CYB5RL: variants seen among roughly 807,000 people sequenced by gnomAD.
CYB5RL encodes NADH-cytochrome b5 reductase-like.
Under a neutral mutation model 37.5 loss-of-function variants are expected in CYB5RL, and 38 were observed. The observed-to-expected ratio is 1.01, with a 90% CI of 0.78 to 1.33. CYB5RL has a LOEUF of 1.33. Ranked by LOEUF, CYB5RL falls within the 40% of genes most tolerant of loss-of-function variation. The pLI is 0.00. For missense variants in CYB5RL, 388 were observed against 394.4 expected, an observed-to-expected ratio of 0.98 and a Z score of 0.14; for synonymous variants, 141 against 151.9, an observed-to-expected ratio of 0.93 and a Z score of 0.53.
In CYB5RL at chr1:54,187,748, C is replaced by A. The variant is rs769010749; in HGVS notation, c.348-9G>T. 6.2e-7 allele frequency: 1 copy of A among 1,611,500 alleles called. No homozygotes were observed. Among genetic ancestry groups the A allele is most frequent in the African/African-American group, 1.3e-5 (1 of 74,866 alleles). On this transcript the variant is annotated splice_polypyrimidine_tract_variant and intron_variant, in intron 4 of 7. Transcript: ENST00000534324. Reference sequence around the variant, plus strand: ...AGTCATCTACTATCCCTCTGAGAAACAGAAGTGTGCAGTCAGTCAGCCAGT... The same window carrying A: ...AGTCATCTACTATCCCTCTGAGAAAAAGAAGTGTGCAGTCAGTCAGCCAGT...
rs572299539 is a variant in CYB5RL at position 54,172,021 on chromosome 1, C to G, written c.*2598G>C. 6.3e-6 allele frequency: 1 copy of G among 158,028 alleles called. No individual in the cohort carries two copies. Among genetic ancestry groups the G allele is most frequent in the Admixed American group, 5.9e-5 (1 of 16,988 alleles). 9.8% of individuals were successfully genotyped at this position (158,028 alleles called of 1,614,324 possible). A position where few individuals can be genotyped will look rare whatever the true frequency, so the allele number is the denominator to read the frequency against. ...TACACGGAGTGAGGGGAAGAGGAGG[C>G]CAACACATTCTAGGTTGGTTACCAC... On this transcript the variant is annotated 3_prime_UTR_variant, in exon 8 of 8. Transcript: ENST00000534324.
chr1:54,199,264 T>C (rs2100493907), intron 1 of CYB5RL, among the ~76,000 whole-genome samples: 1 of 152,308 alleles, frequency 6.6e-6, no homozygotes, highest in South Asian at 2.1e-4. Flanking sequence ...CAGGCACTGT[T>C]CTCAGTGCTG....
intron 5 of CYB5RL, chr1:54,184,485 AT>A: frequency 1.9e-6 from 1 of 514,704 alleles, no homozygotes; most frequent in Non-Finnish European, 3.5e-6. Flanking sequence ...TGGGATGAGA[AT>A]CCATAGGACC....
Position 54,174,685 on chromosome 1 carries a change from G to A in CYB5RL, c.882C>T (p.Phe294=). ...PFALVCGSAE[F]TKDIARCLLC... ...GTAAGCACCTGGCTATGTCTTTGGT[G>A]AACTCAGCCGAGCCACAGACCAGTG... The change falls in exon 8 of 8, where the codon TTC becomes TTT. Residue 294 remains phenylalanine (F), a synonymous_variant. Coordinates refer to ENST00000534324, the MANE Select transcript of CYB5RL (RefSeq NM_001031672.4). 1.2e-6 allele frequency: 2 copies of A among 1,613,592 alleles called. No homozygotes were observed. Among genetic ancestry groups the A allele is most frequent in the South Asian group, 2.2e-5 (2 of 90,940 alleles).
At chr1:54,191,021 A>G in intron 3 of CYB5RL, 125 bp from the exon 4 acceptor site, 3 of 1,276,844 alleles carry the variant, frequency 2.3e-6, no homozygotes, top group Non-Finnish European at 2.1e-6. Context: ...TGTAAACTGG[A>G]CACTAGCCTC....
At chr1:54,175,595 T>C in intron 7 of CYB5RL, 1 of 410,288 alleles carries the variant, frequency 2.4e-6, no homozygotes, top group Non-Finnish European at 5.0e-6. Flanking sequence ...TAGAAAAGTA[T>C]ACAAATCATT....
At chr1:54,193,045 G>A (rs1271048902) in intron 3 of CYB5RL, among the ~76,000 whole-genome samples, 11 of 152,210 alleles carry the variant, frequency 7.2e-5, no homozygotes, top group Admixed American at 2.0e-4. Flanking sequence ...ATAAGCCACC[G>A]TGCCTGGCCA....
intron 5 of CYB5RL, among the ~76,000 whole-genome samples, chr1:54,186,594 G>A (rs1643900210): frequency 6.6e-6 from 1 of 152,312 alleles, no homozygotes; most frequent in South Asian, 2.1e-4. Flanking sequence ...CTGCCCTGAA[G>A]AACTGTCTCC....
At position 54,171,858 on chromosome 1, in the gene CYB5RL, G is replaced by A. The variant is rs1441551593; in HGVS notation, c.*2761C>T. The A allele has an allele frequency of 9.3e-6, 2 of 214,268 alleles. No homozygotes were observed. Among genetic ancestry groups the A allele is most frequent in the African/African-American group, 4.5e-5 (2 of 44,770 alleles). The allele number at this position is 214,268 out of a possible 1,614,324, so 13.3% of individuals were successfully genotyped here. On this transcript the variant is annotated 3_prime_UTR_variant, in exon 8 of 8. Coordinates refer to ENST00000534324, the MANE Select transcript of CYB5RL (RefSeq NM_001031672.4). ...CTTGGGCTTGCTCAGCACCTTGTGG[G>A]GCACAGCACCCGACCCTGCACTCTC...
In CYB5RL at chr1:54,172,359, G is replaced by C. The variant is rs142709368; in HGVS notation, c.*2260C>G. 5.5e-5 allele frequency: 2 copies of C among 36,470 alleles called. No individual in the cohort carries two copies. The highest frequency in any genetic ancestry group is 1.3e-4 in the Non-Finnish European group (2 of 15,608). The allele number at this position is 36,470 out of a possible 1,614,324, so 2.3% of individuals were successfully genotyped here. A position where few individuals can be genotyped will look rare whatever the true frequency, so the allele number is the denominator to read the frequency against. ...TCTTTTTTTTTTTTTTTTTTTTGTA[G>C]AGACAGGGTTTTGTCATGTTGGCCA... On this transcript the variant is annotated 3_prime_UTR_variant, in exon 8 of 8. Transcript: ENST00000534324.
At chr1:54,183,542 T>C (rs916460235) in intron 6 of CYB5RL, among the ~76,000 whole-genome samples, 5 of 152,202 alleles carry the variant, frequency 3.3e-5, no homozygotes, top group Admixed American at 6.5e-5. Context: ...TATTTAGTCA[T>C]GTGACTGTAC....
At chr1:54,180,820 T>C (rs769913984) in intron 6 of CYB5RL, among the ~76,000 whole-genome samples, 14 of 152,142 alleles carry the variant, frequency 9.2e-5, no homozygotes, top group Admixed American at 7.9e-4. Flanking sequence ...TAACAGCACC[T>C]ATCTCAGAAC....
intron 6 of CYB5RL, among the ~76,000 whole-genome samples, chr1:54,179,776 C>T (rs1039023498): frequency 6.6e-6 from 1 of 152,198 alleles, no homozygotes; most frequent in Admixed American, 6.5e-5. Flanking sequence ...CAAAGCCTTG[C>T]CCACTCCCAA....
intron 7 of CYB5RL, among the ~76,000 whole-genome samples, chr1:54,177,408 T>C (rs1322663136): frequency 6.6e-6 from 1 of 152,094 alleles, no homozygotes; most frequent in Non-Finnish European, 1.5e-5. Context: ...GGACTAAAAA[T>C]CTTCTATTGC....
At chr1:54,193,795 G>A (rs1643978750) in intron 3 of CYB5RL, among the ~76,000 whole-genome samples, 1 of 151,236 alleles carries the variant, frequency 6.6e-6, no homozygotes, top group African/African-American at 2.4e-5. Flanking sequence ...GTAAAACCCT[G>A]TCTCTGCTAA....
intron 3 of CYB5RL, among the ~76,000 whole-genome samples, chr1:54,191,444 A>G (rs1022951893): frequency 8.5e-5 from 13 of 152,354 alleles, no homozygotes; most frequent in African/African-American, 2.4e-4. Flanking sequence ...CTGAGGCCTG[A>G]GTTGAGTCAT....
chr1:54,179,015 G>A (rs1457754552), intron 7 of CYB5RL, 134 bp downstream of exon 7: 1 of 1,006,394 alleles, frequency 9.9e-7, no homozygotes. Context: ...TTCCATACAG[G>A]TGGGTGCTCC....
chr1:54,173,325 G>C lies in CYB5RL; in HGVS notation c.*1294C>G, dbSNP rs1659937245. 1 of 152,192 alleles carries C rather than the reference G, an allele frequency of 6.6e-6. No individual in the cohort carries two copies. The highest frequency in any genetic ancestry group is 6.5e-5 in the Admixed American group (1 of 15,274). The allele number at this position is 152,192 out of a possible 1,614,324, so 9.4% of individuals were successfully genotyped here. On this transcript the variant is annotated 3_prime_UTR_variant, in exon 8 of 8. Transcript: ENST00000534324. ...AAAAATGCAGCTGCTCTGGTTGAAG[G>C]GGGTACTGGGGATCCATCTGGAGCT...
intron 3 of CYB5RL, among the ~76,000 whole-genome samples, chr1:54,191,744 T>C (rs751837784): frequency 4.6e-5 from 7 of 152,224 alleles, no homozygotes; most frequent in African/African-American, 9.6e-5. Context: ...GGGCTTGGCA[T>C]TCAAGGCCTT....
Sources: gnomAD v4.1 joint callset for allele counts (sites outside exome capture counted in the v4.1 genomes callset) on GRCh38, gnomAD v4.1.1 for gene constraint, MANE v1.5 for transcripts, NCBI Gene and HGNC (gene_info 2026-07-23, HGNC 2026-07-21) for gene names.